The following MLLT3 variants were observed in gnomAD, a reference collection of about 807,000 sequenced individuals.
MLLT3 encodes the protein protein AF-9.
MLLT3 carries 4 observed loss-of-function variants against 53.2 expected under a neutral mutation model. The ratio of observed to expected loss-of-function variants is 0.08; its 90% CI spans 0.04 to 0.17. The LOEUF is 0.17. MLLT3 is among the 10% of genes least tolerant of loss of function. MLLT3 has a pLI of 1.00. For synonymous variants in MLLT3, 283 were observed against 230.6 expected (o/e 1.23, Z -2.06); for missense variants, 569 against 684.0 (o/e 0.83, Z 1.87).
intron 4 of MLLT3, among the ~76,000 whole-genome samples, chr9:20,441,273 T>C (rs1199091605): frequency 1.3e-5 from 2 of 152,156 alleles, no homozygotes; most frequent in African/African-American, 4.8e-5. Flanking sequence ...CAAAAGTCTG[T>C]AACTGCCCTG....
At chr9:20,597,574 CTTA>C (rs1820307121) in intron 2 of MLLT3, among the ~76,000 whole-genome samples, 1 of 152,154 alleles carries the variant, frequency 6.6e-6, no homozygotes, top group Non-Finnish European at 1.5e-5. Context: ...CCTCCTTCTT[CTTA>C]CTATGTTTAT....
At chr9:20,507,249 A>T (rs1297012423) in intron 2 of MLLT3, among the ~76,000 whole-genome samples, 1 of 152,188 alleles carries the variant, frequency 6.6e-6, no homozygotes, top group African/African-American at 2.4e-5. Flanking sequence ...TGAAGCTTAC[A>T]AACAATCTAC....
Position 20,571,709 on chromosome 9 carries a change from T to C in MLLT3, c.193+48945A>G, listed in dbSNP as rs187938588. Among the ~76,000 whole-genome samples the C allele has an allele frequency of 9.9e-5, 15 of 152,150 alleles. No individual in the cohort carries two copies. In the East Asian group the frequency reaches 2.9e-3, roughly 29 times the overall value. ...TGCAGAAAACAACCTGATTTTAAAA[T>C]GGGCAAAGGACCTGAAAAGACATTC... On this transcript the variant is annotated intron_variant, in intron 2 of 10. Transcript: ENST00000380338.
At chr9:20,602,738 T>G (rs1440420643) in intron 2 of MLLT3, among the ~76,000 whole-genome samples, 2 of 150,276 alleles carry the variant, frequency 1.3e-5, no homozygotes, top group African/African-American at 4.9e-5. Context: ...CAGGCTCTTG[T>G]AACAATGTTT....
At chr9:20,486,843 C>T (rs987118648) in intron 2 of MLLT3, among the ~76,000 whole-genome samples, 20 of 152,106 alleles carry the variant, frequency 1.3e-4, no homozygotes, top group Non-Finnish European at 4.4e-5. Flanking sequence ...GTTTATTCTC[C>T]AAAAGCAAGG....
chr9:20,408,016 T>C (rs757056566), intron 5 of MLLT3, among the ~76,000 whole-genome samples: 7 of 152,154 alleles, frequency 4.6e-5, no homozygotes, highest in South Asian at 2.1e-4. Flanking sequence ...CAATAATGCA[T>C]TGAATAGGTG....
chr9:20,428,968 G>C (rs1823199925), intron 4 of MLLT3, among the ~76,000 whole-genome samples: 2 of 152,142 alleles, frequency 1.3e-5, no homozygotes, highest in South Asian at 4.1e-4. Context: ...TATCAGATAA[G>C]TAGTTTGAAA....
At chr9:20,596,762 A>C (rs1229344163) in intron 2 of MLLT3, among the ~76,000 whole-genome samples, 1 of 152,198 alleles carries the variant, frequency 6.6e-6, no homozygotes, top group Admixed American at 6.5e-5. Context: ...CTCACTCACA[A>C]AATATTATTA....
In MLLT3 at chr9:20,343,399, C is replaced by T. The variant is rs904665903; in HGVS notation, c.*3044G>A. On this transcript the variant is annotated 3_prime_UTR_variant, in exon 11 of 11. Coordinates refer to ENST00000380338, the MANE Select transcript of MLLT3 (RefSeq NM_004529.4). ...CTTCCCTACCTTGACACTATATGAA[C>T]GCATTTATAGACATACCTATTTGTC... 4.7e-6 allele frequency: 1 copy of T among 213,964 alleles called. No homozygotes were observed. The highest frequency in any genetic ancestry group is 9.4e-6 in the Non-Finnish European group (1 of 106,152). The allele number at this position is 213,964 out of a possible 1,614,324, so 13.3% of individuals were successfully genotyped here.
chr9:20,562,128 G>C (rs1456950590), intron 2 of MLLT3, among the ~76,000 whole-genome samples: 1 of 152,046 alleles, frequency 6.6e-6, no homozygotes, highest in Non-Finnish European at 1.5e-5. Flanking sequence ...AGCCATGCAT[G>C]TCAACATTTA....
intron 5 of MLLT3, among the ~76,000 whole-genome samples, chr9:20,394,694 C>T (rs1822273936): frequency 6.6e-6 from 1 of 152,058 alleles, no homozygotes; most frequent in African/African-American, 2.4e-5. Flanking sequence ...AAGTGTTAGA[C>T]ACTGGCTGTA....
At chr9:20,473,795 T>G (rs1021297616) in intron 2 of MLLT3, among the ~76,000 whole-genome samples, 4 of 152,090 alleles carry the variant, frequency 2.6e-5, no homozygotes, top group African/African-American at 9.7e-5. Flanking sequence ...GCAGACTGCT[T>G]CACAATAATG....
rs1372162572 is a variant in MLLT3, at chr9:20,620,361, T to TC, written c.193+292dup. On this transcript the variant is annotated intron_variant, in intron 2 of 10. Transcript: ENST00000380338. This position sits in a 1 kb window ranked among gnomAD's most constrained non-coding sequence, Gnocchi z 6.1. ...CCAAACTCAACAACTAATTGCACCT[T>TC]CCCCACAGAACCCGCGGCTAACCCC... 2.0e-5 allele frequency among the ~76,000 whole-genome samples: 3 copies of TC among 150,354 alleles called. No homozygotes were observed. The highest frequency in any genetic ancestry group is 7.4e-5 in the African/African-American group (3 of 40,766).
At chr9:20,471,134 G>A (rs1292141479) in intron 2 of MLLT3, among the ~76,000 whole-genome samples, 1 of 152,034 alleles carries the variant, frequency 6.6e-6, no homozygotes, top group Admixed American at 6.6e-5. Context: ...AGAGGTCAGT[G>A]AGTTAATTCC....
chr9:20,558,296 G>C (rs574636108), intron 2 of MLLT3, among the ~76,000 whole-genome samples: 2 of 151,984 alleles, frequency 1.3e-5, no homozygotes, highest in Non-Finnish European at 2.9e-5. Context: ...ATTATTTTTT[G>C]TTTTTGTTTT....
chr9:20,440,084 T>A (rs1376255999), intron 4 of MLLT3, among the ~76,000 whole-genome samples: 1 of 152,162 alleles, frequency 6.6e-6, no homozygotes, highest in African/African-American at 2.4e-5. Flanking sequence ...TGTCAATAAA[T>A]AAACTAATTA....
intron 4 of MLLT3, among the ~76,000 whole-genome samples, chr9:20,416,737 T>C (rs1017241655): frequency 2.0e-5 from 3 of 152,128 alleles, no homozygotes; most frequent in South Asian, 4.1e-4. Flanking sequence ...TGTTCTTTCC[T>C]TTTTTGTAAT....
chr9:20,459,296 A>C (rs886525452), intron 2 of MLLT3, among the ~76,000 whole-genome samples: 1 of 152,242 alleles, frequency 6.6e-6, no homozygotes, highest in Non-Finnish European at 1.5e-5. Context: ...AGTTTCTCTA[A>C]TAGAAAAACG....
In MLLT3 at chr9:20,620,325, T is replaced by A. The variant is rs1820963349; in HGVS notation, c.193+329A>T. ...AAGTGTTTATTCCCTCCAGCCCGAT[T>A]CCCCACATCTCCAAACTCAACAACT... is the stretch of plus-strand genomic sequence containing the variant. On this transcript the variant is annotated intron_variant, in intron 2 of 10. Transcript: ENST00000380338. The surrounding 1 kb of genome is among the most constrained non-coding windows in gnomAD (Gnocchi z 6.1). Among the ~76,000 whole-genome samples the A allele has an allele frequency of 1.4e-5, 2 of 147,964 alleles. No individual in the cohort carries two copies. The highest frequency in any genetic ancestry group is 4.3e-4 in the South Asian group (2 of 4,624).
Sources: gnomAD v4.1 joint callset for allele counts (sites outside exome capture counted in the v4.1 genomes callset) on GRCh38, gnomAD v4.1.1 for gene constraint, Gnocchi (gnomAD v3.1) non-coding constraint, MANE v1.5 for transcripts, NCBI Gene and HGNC (gene_info 2026-07-23, HGNC 2026-07-21) for gene names.